DCDC1: variants seen among roughly 807,000 people sequenced by gnomAD.
DCDC1 encodes the protein doublecortin domain containing 1.
Under a neutral mutation model 178.3 loss-of-function variants are expected in DCDC1, and 200 were observed. The ratio of observed to expected loss-of-function variants is 1.12; its 90% CI spans 1.00 to 1.26. The LOEUF is 1.26. DCDC1 is among the 50% of genes most tolerant of loss of function. DCDC1 has a pLI of 0.00. For missense variants in DCDC1, 1,983 were observed against 1,749.2 expected (o/e 1.13, Z -2.38); for synonymous variants, 690 against 604.8 (o/e 1.14, Z -2.07).
At chr11:31,066,726 C>T (rs1207956698) in intron 18 of DCDC1, among the ~76,000 whole-genome samples, 3 of 152,138 alleles carry the variant, frequency 2.0e-5, no homozygotes, top group African/African-American at 2.4e-5. Flanking sequence ...GGACAGAAGA[C>T]GTGCAGCACA....
At chr11:31,294,123 C>T (rs1947428059) in intron 6 of DCDC1, among the ~76,000 whole-genome samples, 1 of 152,132 alleles carries the variant, frequency 6.6e-6, no homozygotes, top group African/African-American at 2.4e-5. Context: ...GCTGCTTGTG[C>T]AGTTCACAGG....
At chr11:30,977,054 T>C (rs1231271608) in intron 20 of DCDC1, among the ~76,000 whole-genome samples, 8 of 152,082 alleles carry the variant, frequency 5.3e-5, no homozygotes, top group African/African-American at 1.9e-4. Context: ...TAGAGGTCAT[T>C]ATGATAAGTG....
chr11:30,947,513 C>T (rs1948126342), intron 21 of DCDC1, among the ~76,000 whole-genome samples: 1 of 152,038 alleles, frequency 6.6e-6, no homozygotes, highest in Admixed American at 6.6e-5. Context: ...TATCCGTATA[C>T]AGAAGAATGA....
At chr11:30,962,632 A>G (rs893597778) in intron 20 of DCDC1, among the ~76,000 whole-genome samples, 4 of 152,130 alleles carry the variant, frequency 2.6e-5, no homozygotes, top group South Asian at 2.1e-4. Context: ...TACATTAATA[A>G]TAATTGCCAG....
intron 9 of DCDC1, among the ~76,000 whole-genome samples, chr11:31,234,894 T>G (rs1010030554): frequency 2.6e-5 from 4 of 152,190 alleles, no homozygotes; most frequent in African/African-American, 7.2e-5. Flanking sequence ...ACTTTGCTGC[T>G]GTAACTCTAT....
intron 20 of DCDC1, among the ~76,000 whole-genome samples, chr11:30,981,489 C>T (rs1435507785): frequency 6.6e-6 from 1 of 152,118 alleles, no homozygotes; most frequent in Non-Finnish European, 1.5e-5. Flanking sequence ...TGTTAAATAA[C>T]ATAAACGGTG....
intron 3 of DCDC1, among the ~76,000 whole-genome samples, chr11:31,308,241 A>G (rs1010862735): frequency 6.6e-6 from 1 of 152,208 alleles, no homozygotes; most frequent in African/African-American, 2.4e-5. Context: ...TAATTCAACC[A>G]AAAGGAAGCT....
intron 9 of DCDC1, among the ~76,000 whole-genome samples, chr11:31,145,876 T>C (rs1964386961): frequency 6.6e-6 from 1 of 152,216 alleles, no homozygotes; most frequent in Non-Finnish European, 1.5e-5. Context: ...CTTTGTCTTA[T>C]AAATCCCGTT....
chr11:31,087,129 T>C (rs1957528932), intron 17 of DCDC1, among the ~76,000 whole-genome samples: 1 of 152,128 alleles, frequency 6.6e-6, no homozygotes, highest in South Asian at 2.1e-4. Context: ...TTTAAGGGAA[T>C]TGGTCTTTAC....
chr11:31,298,084 C>G (rs57629713), intron 6 of DCDC1, among the ~76,000 whole-genome samples: 3 of 152,298 alleles, frequency 2.0e-5, no homozygotes, highest in South Asian at 4.1e-4. Context: ...CTCAGATATT[C>G]CGAGTTCACA....
intron 20 of DCDC1, among the ~76,000 whole-genome samples, chr11:30,959,103 G>A (rs1359298886): frequency 6.6e-6 from 1 of 152,108 alleles, no homozygotes; most frequent in African/African-American, 2.4e-5. Flanking sequence ...GGAAGAGGAG[G>A]AAGTTGATGC....
intron 15 of DCDC1, among the ~76,000 whole-genome samples, chr11:31,100,334 T>C (rs553527785): frequency 6.6e-6 from 1 of 152,358 alleles, no homozygotes; most frequent in Non-Finnish European, 1.5e-5. Context: ...GACTTTGCAT[T>C]AGTGCTTAGG....
intron 1 of DCDC1, among the ~76,000 whole-genome samples, chr11:31,369,186 C>T (rs11031367): frequency 0.27 from 40,761 of 152,094 alleles, 5,568 homozygotes; most frequent in East Asian, 0.3. Flanking sequence ...GGAATAATGG[C>T]ACCTGCCTTA....
rs995989297 is a variant in DCDC1, at chr11:31,017,679, A to G, written c.2591+46790T>C. Among the ~76,000 whole-genome samples the G allele has an allele frequency of 7.2e-5, 11 of 152,124 alleles. No individual in the cohort carries two copies. In the East Asian group the frequency reaches 1.7e-3, roughly 24 times the overall value. On this transcript the variant is annotated intron_variant, in intron 20 of 38. Coordinates refer to ENST00000684477, the MANE Select transcript of DCDC1 (RefSeq NM_001387274.1). ...ACTGCAGCCTTGGCCCCCTGGGCTCAGAAAATCCTCCCACCTCAGCCTCCT... is the reference window on the plus strand; with the variant it reads ...ACTGCAGCCTTGGCCCCCTGGGCTCGGAAAATCCTCCCACCTCAGCCTCCT...
At chr11:31,232,909 T>C (rs1277158192) in intron 9 of DCDC1, among the ~76,000 whole-genome samples, 1 of 151,944 alleles carries the variant, frequency 6.6e-6, no homozygotes, top group South Asian at 2.1e-4. Flanking sequence ...GCCAATATGG[T>C]GAAAACCCAT....
At chr11:30,920,717 C>A in intron 25 of DCDC1, 59 bp downstream of exon 25, 10 of 1,588,338 alleles carry the variant, frequency 6.3e-6, no homozygotes, top group Non-Finnish European at 8.6e-6. Context: ...TGTTATCGGG[C>A]TAATGAGCTG....
At chr11:30,968,711 T>TTACATATATATATA (rs1554987154) in intron 20 of DCDC1, among the ~76,000 whole-genome samples, 6 of 61,058 alleles carry the variant, frequency 9.8e-5, no homozygotes, top group African/African-American at 4.7e-4. Flanking sequence ...ATATATCAAA[T>TTACATATATATATA]TATATATATA....
At chr11:31,241,201 C>G (rs551002661) in intron 9 of DCDC1, among the ~76,000 whole-genome samples, 1 of 152,076 alleles carries the variant, frequency 6.6e-6, no homozygotes, top group South Asian at 2.1e-4. Context: ...GCTGCCTTCA[C>G]TTTGCCCAGT....
chr11:30,888,082 G>GAA (rs35914489), intron 36 of DCDC1, among the ~76,000 whole-genome samples: 22,278 of 94,860 alleles, frequency 0.23, 3,672 homozygotes, highest in South Asian at 0.32. Context: ...GAGAGAGAGA[G>GAA]AGAAAGAAAG....
Sources: allele counts gnomAD v4.1 joint callset (sites outside exome capture counted in the v4.1 genomes callset), GRCh38; gene constraint gnomAD v4.1.1; transcripts MANE v1.5; gene names NCBI Gene and HGNC (gene_info 2026-07-23, HGNC 2026-07-21).